The following THRAP3 variants were observed in gnomAD, a reference collection of about 807,000 sequenced individuals.
The protein encoded by THRAP3 is thyroid hormone receptor-associated protein 3.
In THRAP3, 16 loss-of-function variants were observed where a neutral mutation model predicts 101.0. The ratio of observed to expected loss-of-function variants is 0.16; its 90% confidence interval spans 0.11 to 0.24. The LOEUF is 0.24. Among genes scored for constraint, THRAP3 ranks in the 10% least tolerant of loss-of-function variants. The pLI, the probability that THRAP3 is intolerant of heterozygous loss-of-function variation, is 1.00. For missense variants in THRAP3, 989 were observed against 1,202.7 expected, an observed-to-expected ratio of 0.82 and a Z score of 2.63; for synonymous variants, 407 against 422.6, an observed-to-expected ratio of 0.96 and a Z score of 0.45.
intron 1 of THRAP3, among the ~76,000 whole-genome samples, chr1:36,247,825 C>G (rs1210733667): frequency 1.3e-5 from 2 of 150,520 alleles, no homozygotes; most frequent in Non-Finnish European, 2.9e-5. Context: ...ACTTATTCCT[C>G]TTAACTGAAA....
At chr1:36,267,149 G>T (rs926503582) in intron 2 of THRAP3, among the ~76,000 whole-genome samples, 1 of 152,168 alleles carries the variant, frequency 6.6e-6, no homozygotes, top group Non-Finnish European at 1.5e-5. Context: ...CTCCCAAAGT[G>T]CTGGTATTAC....
chr1:36,208,671 T>G, the THRAP3 span, among the ~76,000 whole-genome samples: 2 of 152,202 alleles, frequency 1.3e-5, no homozygotes, highest in Non-Finnish European at 2.9e-5. Context: ...TAATAATTTT[T>G]TTTGTTTGTT....
At chr1:36,249,720 G>GTGTGTGTGT (rs1553193619) in intron 1 of THRAP3, among the ~76,000 whole-genome samples, 7 of 146,904 alleles carry the variant, frequency 4.8e-5, no homozygotes, top group South Asian at 2.2e-4. Flanking sequence ...GTGTGTGTGT[G>GTGTGTGTGT]GTGGAGGTTG....
At chr1:36,293,764 A>G (rs1047546340) in intron 7 of THRAP3, 87 bp from the exon 8 acceptor site, 14 of 1,145,646 alleles carry the variant, frequency 1.2e-5, no homozygotes, top group Non-Finnish European at 1.7e-5. Context: ...ATGCCTGTGA[A>G]TCTATTAGCC....
upstream of THRAP3, among the ~76,000 whole-genome samples, chr1:36,222,398 ATTTC>A (rs1338565730): frequency 3.3e-5 from 5 of 151,786 alleles, no homozygotes; most frequent in Non-Finnish European, 5.9e-5. Flanking sequence ...ATATGCCTGT[ATTTC>A]TTTTTTTCTT....
intron 1 of THRAP3, among the ~76,000 whole-genome samples, chr1:36,250,732 C>T (rs56186115): frequency 1.3e-5 from 2 of 151,014 alleles, no homozygotes; most frequent in East Asian, 2.1e-4. Flanking sequence ...GCCAACATGG[C>T]GAAACCCAAT....
At chr1:36,296,032 G>C (rs1337392311) in intron 8 of THRAP3, among the ~76,000 whole-genome samples, 1 of 133,562 alleles carries the variant, frequency 7.5e-6, no homozygotes, top group South Asian at 2.3e-4. Flanking sequence ...GGAGTGCAGT[G>C]GTGCGATCTC....
At chr1:36,301,741 A>G in intron 11 of THRAP3, 45 bp downstream of exon 11, 9 of 1,581,136 alleles carry the variant, frequency 5.7e-6, no homozygotes, top group Non-Finnish European at 7.7e-6. Context: ...GGCCTTTGAC[A>G]CACAGAGTAG....
At chr1:36,232,133 T>C (rs553393164) in intron 1 of THRAP3, among the ~76,000 whole-genome samples, 6 of 152,272 alleles carry the variant, frequency 3.9e-5, no homozygotes, top group Admixed American at 3.3e-4. Context: ...GGAGAATTAC[T>C]TGAACCCGGG....
In THRAP3 at chr1:36,282,632, T is replaced by G; in HGVS notation, c.69T>G (p.Arg23=). Residue 23 remains arginine (R), a synonymous_variant, in exon 3 of 12, where the codon CGT becomes CGG. Coordinates refer to ENST00000354618, the MANE Select transcript of THRAP3 (RefSeq NM_005119.4). ...SSRSRSASRS[R]SRSFSKSRSR... Reference sequence around the variant, plus strand: ...GCTCAAGATCTGCATCAAGATCTCGTTCTCGTTCATTTTCGAAGTCTCGGT... The same window carrying G: ...GCTCAAGATCTGCATCAAGATCTCGGTCTCGTTCATTTTCGAAGTCTCGGT... The G allele has an allele frequency of 6.2e-7, 1 of 1,614,154 alleles. No homozygotes were observed. The highest frequency in any genetic ancestry group is 8.5e-7 in the Non-Finnish European group (1 of 1,180,006).
chr1:36,291,540 G>A lies in THRAP3; in HGVS notation c.1912G>A (p.Val638Ile). 6.2e-7 allele frequency: 1 copy of A among 1,614,168 alleles called. No individual in the cohort carries two copies. The highest frequency in any genetic ancestry group is 8.5e-7 in the Non-Finnish European group (1 of 1,179,992). Residue 638 changes from valine (V) to isoleucine (I), a missense_variant, in exon 6 of 12, where the codon GTT becomes ATT. By Grantham distance (29) the Val-to-Ile change is conservative. Coordinates refer to ENST00000354618, the MANE Select transcript of THRAP3 (RefSeq NM_005119.4). The part of the protein sequence containing the change: ...AQHIVTIVHH[V>I]KEHHFGSSGM... ...ACATATAGTGACCATTGTTCACCAT[G>A]TTAAAGGTGAGTCCAGACCCTGGCC...
intron 4 of THRAP3, 194 bp downstream of exon 4, chr1:36,287,464 A>G: frequency 1.0e-6 from 1 of 985,402 alleles, no homozygotes; most frequent in Non-Finnish European, 1.2e-6. Flanking sequence ...ACCTTCCTGA[A>G]TTTGTATTGC....
Position 36,267,481 on chromosome 1 carries a change from T to G in THRAP3, c.-32+7997T>G, listed in dbSNP as rs1645530711. Among the ~76,000 whole-genome samples, 5 of 152,124 alleles carry G rather than the reference T, an allele frequency of 3.3e-5. No homozygotes were observed. In the South Asian group the frequency reaches 1.0e-3, roughly 31 times the overall value. ...TGGTTTATTCAGTAGGAGCCTTAGTTTTGGTAAATTTCTCTCATTTAGGGA... is the reference window on the plus strand; with the variant it reads ...TGGTTTATTCAGTAGGAGCCTTAGTGTTGGTAAATTTCTCTCATTTAGGGA... On this transcript the variant is annotated intron_variant, in intron 2 of 11. Coordinates refer to ENST00000354618, the MANE Select transcript of THRAP3 (RefSeq NM_005119.4).
chr1:36,259,773 A>G (rs1259276247), intron 2 of THRAP3, among the ~76,000 whole-genome samples: 1 of 150,786 alleles, frequency 6.6e-6, no homozygotes, highest in Non-Finnish European at 1.5e-5. Context: ...CAAAAAAAAA[A>G]AAAAGAAAAG....
At chr1:36,246,296 G>A (rs578072288) in intron 1 of THRAP3, among the ~76,000 whole-genome samples, 6 of 152,262 alleles carry the variant, frequency 3.9e-5, no homozygotes, top group East Asian at 1.9e-4. Context: ...AAAGTGGAGC[G>A]ATCTTGGCTC....
chr1:36,288,009 TA>T, intron 4 of THRAP3: 7 of 954,862 alleles, frequency 7.3e-6, no homozygotes, highest in Non-Finnish European at 8.7e-6. Context: ...TTTTTTCTTT[TA>T]TCGTATTTAG....
upstream of THRAP3, among the ~76,000 whole-genome samples, chr1:36,222,656 C>T (rs1644909597): frequency 6.6e-6 from 1 of 152,062 alleles, no homozygotes; most frequent in South Asian, 2.1e-4. Context: ...GAGCTGCCCG[C>T]CTCGGTTCTC....
At chr1:36,261,483 A>G (rs1358589396) in intron 2 of THRAP3, among the ~76,000 whole-genome samples, 1 of 152,234 alleles carries the variant, frequency 6.6e-6, no homozygotes, top group Admixed American at 6.5e-5. Context: ...CAGTGAGCTG[A>G]GATCGCGCCA....
At chr1:36,255,928 G>C (rs941969884) in intron 1 of THRAP3, among the ~76,000 whole-genome samples, 1 of 152,124 alleles carries the variant, frequency 6.6e-6, no homozygotes, top group Non-Finnish European at 1.5e-5. Flanking sequence ...CTATATCGTC[G>C]TTTAAGGTCT....
Sources: allele counts gnomAD v4.1 joint callset (sites outside exome capture counted in the v4.1 genomes callset), GRCh38; gene constraint gnomAD v4.1.1; transcripts MANE v1.5; gene names NCBI Gene and HGNC (gene_info 2026-07-23, HGNC 2026-07-21).